The following CAMKK2 variants were observed in gnomAD, a reference collection of about 807,000 sequenced individuals.
The protein encoded by CAMKK2 is calcium/calmodulin dependent protein kinase kinase 2, also known as calcium/calmodulin-dependent protein kinase kinase 2.
Under a neutral mutation model 67.2 loss-of-function variants are expected in CAMKK2, and 30 were observed. The observed-to-expected ratio is 0.45, with a 90% CI of 0.33 to 0.61. CAMKK2 has a LOEUF of 0.61. CAMKK2 is among the 20% of genes least tolerant of loss of function. CAMKK2 has a pLI of 0.02. For synonymous variants in CAMKK2, 322 were observed against 326.2 expected (o/e 0.99, Z 0.14); for missense variants, 643 against 802.0 (o/e 0.80, Z 2.39).
chr12:121,255,848 C>T (rs771661842), intron 7 of CAMKK2, 44 bp from the exon 8 acceptor site: 1 of 1,597,576 alleles, frequency 6.3e-7, no homozygotes, highest in African/African-American at 1.3e-5. Flanking sequence ...GGAAACTGAA[C>T]ATCCATCTCT....
At chr12:121,287,211 C>G (rs1325549748) in intron 1 of CAMKK2, among the ~76,000 whole-genome samples, 2 of 152,138 alleles carry the variant, frequency 1.3e-5, no homozygotes, top group African/African-American at 4.8e-5. Context: ...TAGCTGGTTT[C>G]AATTTATTTT....
chr12:121,249,130 T>C (rs1890113577), intron 13 of CAMKK2, among the ~76,000 whole-genome samples: 1 of 152,180 alleles, frequency 6.6e-6, no homozygotes, highest in African/African-American at 2.4e-5. Flanking sequence ...CTTGGAGGCA[T>C]GGTGGGACCA....
intron 1 of CAMKK2, among the ~76,000 whole-genome samples, chr12:121,284,965 C>T (rs1256168775): frequency 6.6e-6 from 1 of 152,198 alleles, no homozygotes; most frequent in Admixed American, 6.5e-5. Flanking sequence ...TAAATACTGA[C>T]TAGAAGTTGT....
chr12:121,244,364 C>A (rs1888979416), intron 16 of CAMKK2, among the ~76,000 whole-genome samples: 2 of 152,242 alleles, frequency 1.3e-5, no homozygotes. Context: ...ACCCGCAGCC[C>A]CAGCCCACAT....
Position 121,289,721 on chromosome 12 carries a change from C to T in CAMKK2, c.-60+6917G>A, listed in dbSNP as rs146613728. On this transcript the variant is annotated intron_variant, in intron 1 of 16. Transcript: ENST00000404169. ...CAGCCTGGCCTACATGGTGAAACCTCGTCTCCACTAAAAATACAAAAATTA... is the reference window on the plus strand; with the variant it reads ...CAGCCTGGCCTACATGGTGAAACCTTGTCTCCACTAAAAATACAAAAATTA... Among the ~76,000 whole-genome samples, 787 of 152,038 alleles carry T rather than the reference C, an allele frequency of 5.2e-3. 10 individuals are homozygous for T. The highest frequency in any genetic ancestry group is 0.034 in the South Asian group (162 of 4,812).
At chr12:121,265,489 A>G (rs1267625410) in intron 5 of CAMKK2, among the ~76,000 whole-genome samples, 2 of 152,162 alleles carry the variant, frequency 1.3e-5, no homozygotes, top group East Asian at 1.9e-4. Flanking sequence ...CTAATCCCCA[A>G]CGTGATGGTA....
chr12:121,259,689 A>G (rs886398193), intron 7 of CAMKK2, among the ~76,000 whole-genome samples: 12 of 152,214 alleles, frequency 7.9e-5, no homozygotes, highest in African/African-American at 2.7e-4. Context: ...GTCCTAGATG[A>G]TAATATCCAT....
chr12:121,244,858 G>A (rs868773019), intron 15 of CAMKK2, among the ~76,000 whole-genome samples: 1 of 152,184 alleles, frequency 6.6e-6, no homozygotes, highest in Non-Finnish European at 1.5e-5. Flanking sequence ...TCACGGTCCC[G>A]GGCCACAAAA....
intron 1 of CAMKK2, among the ~76,000 whole-genome samples, chr12:121,289,036 C>T (rs902754028): frequency 3.9e-5 from 6 of 151,962 alleles, no homozygotes; most frequent in African/African-American, 1.5e-4. Flanking sequence ...TTCTCAGTTC[C>T]CCAGGGTATA....
chr12:121,261,370 C>T (rs1028395188), intron 6 of CAMKK2, among the ~76,000 whole-genome samples: 16 of 152,292 alleles, frequency 1.1e-4, no homozygotes, highest in South Asian at 8.3e-4. Context: ...AACTCTAGCA[C>T]CAGTGAGTCG....
intron 11 of CAMKK2, 120 bp from the exon 12 acceptor site, chr12:121,250,154 GC>G (rs2136197464): frequency 3.8e-6 from 3 of 792,912 alleles, no homozygotes. Context: ...TGCGGCCCAG[GC>G]TAGGGGGCAA....
intron 5 of CAMKK2, among the ~76,000 whole-genome samples, chr12:121,265,236 G>A (rs984336168): frequency 6.6e-6 from 1 of 152,132 alleles, no homozygotes; most frequent in Admixed American, 6.6e-5. Flanking sequence ...ATCGGCCTTG[G>A]AAAAGCAAAG....
rs192592470 is a variant in CAMKK2 at position 121,281,274 on chromosome 12, G to A, written c.-59-6689C>T. 7.0e-3 allele frequency among the ~76,000 whole-genome samples: 1,066 copies of A among 152,292 alleles called. 12 individuals carry two copies. Among genetic ancestry groups the A allele is most frequent in the African/African-American group, 0.025 (1,033 of 41,554 alleles). The stretch of plus-strand genomic sequence containing the variant: ...TTCCAACCTGCATCCGCTACCTCCC[G>A]CGCAGCAAGCTGCCAGTGGGTGCCA... On this transcript the variant is annotated intron_variant, in intron 1 of 16. Transcript: ENST00000404169.
chr12:121,289,744 T>C (rs1289253011), intron 1 of CAMKK2, among the ~76,000 whole-genome samples: 1 of 151,978 alleles, frequency 6.6e-6, no homozygotes, highest in Non-Finnish European at 1.5e-5. Context: ...AATACAAAAA[T>C]TAGCCAGGCG....
At chr12:121,264,327 A>G (rs1285356955) in intron 5 of CAMKK2, among the ~76,000 whole-genome samples, 11 of 152,168 alleles carry the variant, frequency 7.2e-5, no homozygotes, top group Admixed American at 7.2e-4. Context: ...ATTAACTCTT[A>G]TCTCCTTAAC....
chr12:121,292,656 G>A (rs1380799721), intron 1 of CAMKK2, among the ~76,000 whole-genome samples: 17 of 152,086 alleles, frequency 1.1e-4, no homozygotes, highest in Admixed American at 1.1e-3. Flanking sequence ...GAAGTGAGTG[G>A]GAAAGCAAAA....
chr12:121,282,918 C>A (rs900551407), intron 1 of CAMKK2, among the ~76,000 whole-genome samples: 1 of 152,078 alleles, frequency 6.6e-6, no homozygotes, highest in Non-Finnish European at 1.5e-5. Context: ...CCATGCCCGG[C>A]TAATTTTTGT....
In CAMKK2 at chr12:121,240,609, G is replaced by T; in HGVS notation, c.*90C>A. 1 of 1,533,642 alleles carries T rather than the reference G, an allele frequency of 6.5e-7. No individual in the cohort carries two copies. Among genetic ancestry groups the T allele is most frequent in the South Asian group, 1.2e-5 (1 of 83,706 alleles). ...GATCGAGGCTCTACACACGTGCTGG[G>T]TTTCCGTAGGACATGCTGCTATGGA... On this transcript the variant is annotated 3_prime_UTR_variant, in exon 17 of 17. Coordinates refer to ENST00000404169, the MANE Select transcript of CAMKK2 (RefSeq NM_001270485.2). The surrounding 1 kb of genome is among the most constrained non-coding windows in gnomAD (Gnocchi z 4.4).
At chr12:121,267,918 A>G (rs1463072339) in intron 5 of CAMKK2, among the ~76,000 whole-genome samples, 1 of 151,552 alleles carries the variant, frequency 6.6e-6, no homozygotes, top group Non-Finnish European at 1.5e-5. Flanking sequence ...TTTTGTTCCT[A>G]TGGATTGGCC....
Sources: allele counts gnomAD v4.1 joint callset (sites outside exome capture counted in the v4.1 genomes callset), GRCh38; gene constraint gnomAD v4.1.1; non-coding constraint Gnocchi (gnomAD v3.1); transcripts MANE v1.5; gene names NCBI Gene and HGNC (gene_info 2026-07-23, HGNC 2026-07-21).